PRKCH: variants seen among roughly 807,000 people sequenced by gnomAD.
PRKCH encodes protein kinase C eta type.
PRKCH carries 28 observed loss-of-function variants against 82.5 expected under a neutral mutation model. The observed-to-expected ratio is 0.34, with a 90% CI of 0.25 to 0.47. PRKCH has a LOEUF of 0.47. Among genes scored for constraint, PRKCH ranks in the 20% least tolerant of loss-of-function variants. The pLI, the probability that PRKCH is intolerant of heterozygous loss-of-function variation, is 1.00. For synonymous variants in PRKCH, 322 were observed against 327.4 expected (o/e 0.98, Z 0.18); for missense variants, 705 against 881.8 (o/e 0.80, Z 2.54).
intron 9 of PRKCH, among the ~76,000 whole-genome samples, chr14:61,480,526 T>C (rs950901349): frequency 6.6e-6 from 1 of 152,216 alleles, no homozygotes; most frequent in Non-Finnish European, 1.5e-5. Flanking sequence ...CCTTTGGAAT[T>C]AATTTTGCTG....
chr14:61,332,692 G>A (rs920977799), intron 1 of PRKCH, among the ~76,000 whole-genome samples: 5 of 152,124 alleles, frequency 3.3e-5, no homozygotes, highest in Non-Finnish European at 7.3e-5. Flanking sequence ...TCTATACCTC[G>A]TCCTGTATTT....
intron 1 of PRKCH, among the ~76,000 whole-genome samples, chr14:61,196,637 AC>A (rs1297871999): frequency 6.6e-6 from 1 of 152,226 alleles, no homozygotes; most frequent in Non-Finnish European, 1.5e-5. Context: ...CAATATCTAT[AC>A]CAAAGAAGGT....
chr14:61,387,853 A>T (rs1260564546), intron 1 of PRKCH, among the ~76,000 whole-genome samples: 4 of 152,210 alleles, frequency 2.6e-5, no homozygotes, highest in Non-Finnish European at 5.9e-5. Flanking sequence ...TCTACTTTGA[A>T]ATCCCTATTG....
At chr14:61,294,558 T>C (rs2045391022) in intron 1 of PRKCH, among the ~76,000 whole-genome samples, 1 of 152,042 alleles carries the variant, frequency 6.6e-6, no homozygotes, top group Non-Finnish European at 1.5e-5. Context: ...ATATAACCCT[T>C]CATTCAAGTC....
chr14:61,266,886 T>C (rs1394663489), intron 1 of PRKCH, among the ~76,000 whole-genome samples: 1 of 151,860 alleles, frequency 6.6e-6, no homozygotes, highest in Non-Finnish European at 1.5e-5. Flanking sequence ...GGATGGGTGA[T>C]GGGAAACAAG....
chr14:61,208,844 A>G (rs1469700832), intron 1 of PRKCH, among the ~76,000 whole-genome samples: 2 of 152,168 alleles, frequency 1.3e-5, no homozygotes, highest in Non-Finnish European at 2.9e-5. Flanking sequence ...CTTGTTGAAG[A>G]CCTAACCCCA....
At chr14:61,257,810 C>T (rs1345461793) in intron 1 of PRKCH, among the ~76,000 whole-genome samples, 2 of 152,134 alleles carry the variant, frequency 1.3e-5, no homozygotes, top group Admixed American at 1.3e-4. Context: ...TTTTGTAAGT[C>T]ATGTGAGGTG....
intron 1 of PRKCH, among the ~76,000 whole-genome samples, chr14:61,195,812 C>T (rs2044437209): frequency 6.6e-6 from 1 of 152,086 alleles, no homozygotes; most frequent in Non-Finnish European, 1.5e-5. Context: ...AGAGAGCAAA[C>T]TTCTGGTGTC....
intron 1 of PRKCH, among the ~76,000 whole-genome samples, chr14:61,262,471 A>G (rs1471496155): frequency 6.6e-6 from 1 of 152,226 alleles, no homozygotes; most frequent in Non-Finnish European, 1.5e-5. Context: ...TATGAAGTCT[A>G]CAAATGGGCA....
chr14:61,280,668 C>A lies in PRKCH; in HGVS notation c.-19+93000C>A, dbSNP rs568446535. 172 of 1,572,198 alleles carry A rather than the reference C, an allele frequency of 1.1e-4. No homozygotes were observed. The highest frequency in any genetic ancestry group is 1.4e-4 in the Non-Finnish European group (165 of 1,160,492). On this transcript the variant is annotated intron_variant, in intron 1 of 3. Coordinates refer to the PRKCH transcript ENST00000555185. The surrounding 1 kb of genome is among the most constrained non-coding windows in gnomAD (Gnocchi z 5.0). ...GGCTGTTGGCGATGGCGCCGCAGGG[C>A]GCGATGGGCAGGCCGGCCGCGCTGC...
At chr14:61,441,760 A>C (rs1205981282) in intron 2 of PRKCH, among the ~76,000 whole-genome samples, 1 of 131,080 alleles carries the variant, frequency 7.6e-6, no homozygotes, top group Non-Finnish European at 1.6e-5. Flanking sequence ...ATAGAACTTT[A>C]AATTTCTTAA....
intron 9 of PRKCH, among the ~76,000 whole-genome samples, chr14:61,468,718 GTTTTTGGTAGCCATCAT>G (rs1885370692): frequency 6.6e-6 from 1 of 152,174 alleles, no homozygotes; most frequent in African/African-American, 2.4e-5. Flanking sequence ...AACTGGTCTT[GTTTTTGGTAGCCATCAT>G]TATCACTGAC....
chr14:61,258,730 C>T (rs1223095601), intron 1 of PRKCH, among the ~76,000 whole-genome samples: 2 of 152,142 alleles, frequency 1.3e-5, no homozygotes, highest in Admixed American at 6.6e-5. Context: ...TTAAAGTTCC[C>T]TCCAGGACTT....
intron 2 of PRKCH, among the ~76,000 whole-genome samples, chr14:61,440,925 C>CT (rs71117817): frequency 0.081 from 11,954 of 147,182 alleles, 614 homozygotes; most frequent in East Asian, 0.26. Context: ...CATTTTTTTT[C>CT]TTTTTTTTTT....
intron 1 of PRKCH, among the ~76,000 whole-genome samples, chr14:61,275,451 C>T (rs535362118): frequency 4.7e-4 from 72 of 152,262 alleles, no homozygotes; most frequent in Non-Finnish European, 7.8e-4. Context: ...TAATGTAAGG[C>T]TTCAGCCACT....
chr14:61,480,781 A>G (rs1234848536), intron 9 of PRKCH, among the ~76,000 whole-genome samples: 2 of 152,162 alleles, frequency 1.3e-5, no homozygotes, highest in Admixed American at 6.5e-5. Flanking sequence ...TCTGCATTTC[A>G]TTTTGAAAAC....
intron 1 of PRKCH, among the ~76,000 whole-genome samples, chr14:61,267,077 T>A (rs1439855951): frequency 6.6e-6 from 1 of 152,192 alleles, no homozygotes; most frequent in Non-Finnish European, 1.5e-5. Flanking sequence ...GAAAAGGACC[T>A]GGAGGCTATA....
At chr14:61,262,349 A>G (rs1266338640) in intron 1 of PRKCH, among the ~76,000 whole-genome samples, 2 of 152,212 alleles carry the variant, frequency 1.3e-5, no homozygotes, top group African/African-American at 4.8e-5. Context: ...AACACTACTC[A>G]GCAATAAAAA....
intron 10 of PRKCH, among the ~76,000 whole-genome samples, chr14:61,512,993 A>G (rs1219731788): frequency 6.6e-6 from 1 of 152,120 alleles, no homozygotes; most frequent in Non-Finnish European, 1.5e-5. Context: ...GTTTTAAAAA[A>G]AATTTTATAG....
Sources: gnomAD v4.1 joint callset for allele counts (sites outside exome capture counted in the v4.1 genomes callset) on GRCh38, gnomAD v4.1.1 for gene constraint, Gnocchi (gnomAD v3.1) non-coding constraint, MANE v1.5 for transcripts, NCBI Gene and HGNC (gene_info 2026-07-23, HGNC 2026-07-21) for gene names.